The following DPP10 variants were observed in gnomAD, a reference collection of about 807,000 sequenced individuals.
DPP10 encodes dipeptidyl peptidase like 10.
Under a neutral mutation model 120.9 loss-of-function variants are expected in DPP10, and 33 were observed. That is an observed-to-expected ratio of 0.27 (90% CI 0.21 to 0.37). The LOEUF (loss-of-function observed/expected upper bound fraction) is 0.37. Ranked by LOEUF, DPP10 falls within the 10% of genes least tolerant of loss-of-function variation. DPP10 has a pLI of 1.00. For synonymous variants in DPP10, 337 were observed against 326.1 expected (o/e 1.03, Z -0.36); for missense variants, 816 against 942.8 (o/e 0.87, Z 1.76).
intron 1 of DPP10, among the ~76,000 whole-genome samples, chr2:114,836,734 C>G (rs1177532751): frequency 1.3e-5 from 2 of 152,142 alleles, no homozygotes; most frequent in Non-Finnish European, 2.9e-5. Flanking sequence ...CCTAATAAAC[C>G]TGTGAGCACT....
At chr2:115,092,618 T>TA (rs968174450) in intron 1 of DPP10, among the ~76,000 whole-genome samples, 3 of 152,022 alleles carry the variant, frequency 2.0e-5, no homozygotes, top group African/African-American at 7.2e-5. Context: ...CAAGATAAAA[T>TA]AAAAAAAGTA....
chr2:114,954,992 C>T (rs578043058), intron 1 of DPP10, among the ~76,000 whole-genome samples: 19 of 152,196 alleles, frequency 1.2e-4, no homozygotes, highest in Non-Finnish European at 2.2e-4. Flanking sequence ...AGAAAAGCCC[C>T]GAAACAAATG....
intron 1 of DPP10, chr2:114,835,423 A>C (rs939341859): frequency 1.3e-5 from 2 of 151,896 alleles, no homozygotes; most frequent in South Asian, 2.1e-4. Flanking sequence ...TATATATAAG[A>C]CATATCTACA....
At chr2:115,632,029 T>C (rs537250056) in intron 5 of DPP10, among the ~76,000 whole-genome samples, 140 of 152,284 alleles carry the variant, frequency 9.2e-4, no homozygotes, top group African/African-American at 3.1e-3. Flanking sequence ...TCTCACACTG[T>C]TACTATGTGG....
In DPP10 at chr2:115,309,355, TA is replaced by T. The variant is rs1339900861; in HGVS notation, c.175+4del. 3 of 1,611,886 alleles carry T rather than the reference TA, an allele frequency of 1.9e-6. No homozygotes were observed. Among genetic ancestry groups the T allele is most frequent in the Non-Finnish European group, 2.5e-6 (3 of 1,178,310 alleles). On this transcript the variant is annotated splice_donor_region_variant and intron_variant, in intron 2 of 25. Coordinates refer to ENST00000410059, the MANE Select transcript of DPP10 (RefSeq NM_020868.6). ...TGTCAGTCATCCTCTTAACCCCAGG[TA>T]ATCTGTCTTTATTCCTCTCTTATGA...
rs145016716 is a variant in DPP10, at chr2:115,320,210, A to G, written c.175+10857A>G. On this transcript the variant is annotated intron_variant, in intron 2 of 25. Transcript: ENST00000410059. The stretch of plus-strand genomic sequence containing the variant: ...TAACAAATTCTGCTCTTTCTTGATT[A>G]CAGTTTGCAAAGAATATATTTTTCC... 1.1e-4 allele frequency among the ~76,000 whole-genome samples: 16 copies of G among 152,312 alleles called. No individual in the cohort carries two copies. The East Asian group carries it at 2.7e-3, about 26-fold the overall frequency.
At chr2:114,682,340 G>A (rs572803109) in intron 1 of DPP10, among the ~76,000 whole-genome samples, 26 of 152,018 alleles carry the variant, frequency 1.7e-4, no homozygotes, top group Middle Eastern at 6.8e-3. Flanking sequence ...GTTCCAGCTG[G>A]CATTTGAAAA....
intron 1 of DPP10, among the ~76,000 whole-genome samples, chr2:114,622,142 A>G (rs940982725): frequency 6.6e-6 from 1 of 152,018 alleles, no homozygotes; most frequent in African/African-American, 2.4e-5. Flanking sequence ...CCTAAATGAG[A>G]TGAACCCATC....
intron 1 of DPP10, among the ~76,000 whole-genome samples, chr2:114,780,347 T>C (rs13429834): frequency 0.048 from 7,371 of 152,200 alleles, 617 homozygotes; most frequent in African/African-American, 0.17. Flanking sequence ...TCTCATGAAA[T>C]ATCCTTCATG....
chr2:115,539,798 G>T (rs2079072553), intron 5 of DPP10, among the ~76,000 whole-genome samples: 3 of 145,990 alleles, frequency 2.1e-5, no homozygotes, highest in South Asian at 4.3e-4. Flanking sequence ...ATTCTTAGTA[G>T]AAACAGAAAA....
intron 1 of DPP10, among the ~76,000 whole-genome samples, chr2:114,760,400 GAC>G: frequency 6.6e-6 from 1 of 152,156 alleles, no homozygotes; most frequent in Non-Finnish European, 1.5e-5. Context: ...GTACCATGCA[GAC>G]TCCAGGTATA....
chr2:115,490,129 A>T (rs540685683), intron 3 of DPP10, among the ~76,000 whole-genome samples: 116 of 152,220 alleles, frequency 7.6e-4, no homozygotes, highest in Middle Eastern at 6.8e-3. Context: ...GTATTTATTT[A>T]TAGTTGTATT....
chr2:115,370,451 C>G (rs1249265278), intron 3 of DPP10, among the ~76,000 whole-genome samples: 1 of 151,880 alleles, frequency 6.6e-6, no homozygotes, highest in East Asian at 1.9e-4. Flanking sequence ...AAGTAAAGGC[C>G]TGGAGAAAGC....
intron 5 of DPP10, among the ~76,000 whole-genome samples, chr2:115,682,447 G>A (rs1052811699): frequency 3.3e-5 from 5 of 151,780 alleles, no homozygotes; most frequent in African/African-American, 1.2e-4. Context: ...TCTTTGAAAA[G>A]GAATTTTGCA....
chr2:115,328,150 A>G (rs2062474628), intron 2 of DPP10, among the ~76,000 whole-genome samples: 1 of 152,074 alleles, frequency 6.6e-6, no homozygotes, highest in African/African-American at 2.4e-5. Context: ...AGGAACTTAA[A>G]TATGACTTTA....
At chr2:114,961,207 A>G (rs1450067916) in intron 1 of DPP10, among the ~76,000 whole-genome samples, 1 of 151,878 alleles carries the variant, frequency 6.6e-6, no homozygotes, top group Non-Finnish European at 1.5e-5. Context: ...GGCATGCACC[A>G]CCATGCTCAG....
intron 1 of DPP10, among the ~76,000 whole-genome samples, chr2:115,200,886 G>C (rs909134215): frequency 6.6e-6 from 1 of 152,142 alleles, no homozygotes. Flanking sequence ...GAAGACTTCA[G>C]AGTTTTATCC....
chr2:114,461,469 A>T, intron 1 of DPP10: 1 of 601,056 alleles, frequency 1.7e-6, no homozygotes, highest in Non-Finnish European at 2.1e-6. Context: ...GGTTGCCTTT[A>T]CTTAGGATTT....
At chr2:115,506,197 C>T (rs1347328170) in intron 4 of DPP10, among the ~76,000 whole-genome samples, 1 of 152,038 alleles carries the variant, frequency 6.6e-6, no homozygotes, top group African/African-American at 2.4e-5. Flanking sequence ...GCAGCCCTTC[C>T]ACACTTCACA....
Sources: allele counts gnomAD v4.1 joint callset (sites outside exome capture counted in the v4.1 genomes callset), GRCh38; gene constraint gnomAD v4.1.1; transcripts MANE v1.5; gene names NCBI Gene and HGNC (gene_info 2026-07-23, HGNC 2026-07-21).